The following SEPTIN10 variants were observed in gnomAD, a reference collection of about 807,000 sequenced individuals.
SEPTIN10 encodes septin 10.
SEPTIN10 carries 66 observed loss-of-function variants against 54.8 expected under a neutral mutation model. The ratio of observed to expected loss-of-function variants is 1.21; its 90% CI spans 0.99 to 1.48. SEPTIN10 has a LOEUF of 1.48. Among genes scored for constraint, SEPTIN10 ranks in the 40% most tolerant of loss-of-function variants. The probability of loss-of-function intolerance (pLI) is 0.00; values close to 1 mark genes in which losing one functional copy is unlikely to be tolerated. For synonymous variants in SEPTIN10, 161 were observed against 181.0 expected (o/e 0.89, Z 0.89); for missense variants, 620 against 545.6 (o/e 1.14, Z -1.36).
chr2:109,555,438 TG>T (rs1312757189), intron 8 of SEPTIN10, among the ~76,000 whole-genome samples: 27 of 152,142 alleles, frequency 1.8e-4, no homozygotes, highest in African/African-American at 6.3e-4. Flanking sequence ...CAAATTCACA[TG>T]TAACTTCTTC....
chr2:109,598,378 T>C (rs1247146582), intron 1 of SEPTIN10, among the ~76,000 whole-genome samples: 2 of 151,798 alleles, frequency 1.3e-5, no homozygotes, highest in Non-Finnish European at 2.9e-5. Context: ...CTATAATCAC[T>C]TGACTTTAAC....
At position 109,574,782 on chromosome 2, in the gene SEPTIN10, A is replaced by C; in HGVS notation, c.414-15T>G. The C allele has an allele frequency of 6.4e-7, 1 of 1,553,916 alleles. No individual in the cohort carries two copies. The highest frequency in any genetic ancestry group is 8.7e-7 in the Non-Finnish European group (1 of 1,149,742). The stretch of plus-strand genomic sequence containing the variant: ...TTGGTTGGTAGCTGAAAAATTATTT[A>C]AATGTTTAATACAACATTATTTGTG... On this transcript the variant is annotated splice_polypyrimidine_tract_variant and intron_variant, in intron 4 of 10. Coordinates refer to ENST00000397712, the MANE Select transcript of SEPTIN10 (RefSeq NM_144710.5).
chr2:109,569,380 G>A (rs140925292), intron 5 of SEPTIN10, among the ~76,000 whole-genome samples: 3 of 150,080 alleles, frequency 2.0e-5, no homozygotes, highest in African/African-American at 7.4e-5. Flanking sequence ...GCAGTGAGCC[G>A]AGATCGCGTC....
chr2:109,567,061 T>C (rs1355956694), intron 6 of SEPTIN10, among the ~76,000 whole-genome samples: 3 of 152,166 alleles, frequency 2.0e-5, no homozygotes, highest in Non-Finnish European at 4.4e-5. Flanking sequence ...ATAAAAGTGG[T>C]ATGAAAAATC....
intron 2 of SEPTIN10, among the ~76,000 whole-genome samples, chr2:109,588,634 T>C (rs1003439809): frequency 6.6e-6 from 1 of 151,794 alleles, no homozygotes; most frequent in Non-Finnish European, 1.5e-5. Flanking sequence ...GCTGGGATAA[T>C]AGGCGCCCAC....
intron 1 of SEPTIN10, among the ~76,000 whole-genome samples, chr2:109,610,328 T>A (rs1698977263): frequency 6.6e-6 from 1 of 152,064 alleles, no homozygotes; most frequent in Non-Finnish European, 1.5e-5. Flanking sequence ...GACCTCATGA[T>A]CCATCCATCT....
At chr2:109,550,415 C>T (rs966182743) in intron 9 of SEPTIN10, among the ~76,000 whole-genome samples, 2 of 151,578 alleles carry the variant, frequency 1.3e-5, no homozygotes, top group Non-Finnish European at 2.9e-5. Flanking sequence ...TGTGTTCAGG[C>T]GATTCTCCTG....
At chr2:109,555,540 G>A (rs1573436851) in intron 8 of SEPTIN10, among the ~76,000 whole-genome samples, 1 of 152,286 alleles carries the variant, frequency 6.6e-6, no homozygotes, top group African/African-American at 2.4e-5. Flanking sequence ...TATTAGTAAA[G>A]AGCAAACTAT....
At chr2:109,604,097 G>A (rs1697307766) in intron 1 of SEPTIN10, among the ~76,000 whole-genome samples, 1 of 146,988 alleles carries the variant, frequency 6.8e-6, no homozygotes. Flanking sequence ...GGGAGGTGGA[G>A]ATTGCAGTGA....
intron 1 of SEPTIN10, among the ~76,000 whole-genome samples, chr2:109,610,884 A>C (rs563488459): frequency 7.9e-5 from 12 of 152,342 alleles, no homozygotes; most frequent in African/African-American, 2.9e-4. Context: ...AAACTTACAC[A>C]GAGAGGCACA....
Position 109,543,382 on chromosome 2 carries a change from A to G in SEPTIN10, c.*927T>C, listed in dbSNP as rs1352440732. The G allele has an allele frequency of 3.3e-5, 5 of 152,194 alleles. No individual in the cohort carries two copies. Among genetic ancestry groups the G allele is most frequent in the African/African-American group, 7.2e-5 (3 of 41,460 alleles). The allele number at this position is 152,194 out of a possible 1,614,324, so 9.4% of individuals were successfully genotyped here. ...TATCTGGATGTTTTAACTTTTAAAG[A>G]TATTTTGTTTCACCACAGTAATACG... On this transcript the variant is annotated 3_prime_UTR_variant, in exon 11 of 11. Coordinates refer to ENST00000397712, the MANE Select transcript of SEPTIN10 (RefSeq NM_144710.5).
chr2:109,548,449 C>T (rs144147331), intron 9 of SEPTIN10, among the ~76,000 whole-genome samples: 16 of 152,060 alleles, frequency 1.1e-4, no homozygotes, highest in Middle Eastern at 3.4e-3. Flanking sequence ...CATTGGCTCA[C>T]GGAGGTTTAC....
intron 1 of SEPTIN10, among the ~76,000 whole-genome samples, chr2:109,598,566 G>A (rs1695837281): frequency 6.6e-6 from 1 of 152,034 alleles, no homozygotes; most frequent in African/African-American, 2.4e-5. Flanking sequence ...CGGGAGGCCG[G>A]GCGTGGTGGC....
chr2:109,596,366 C>A (rs1033473330), intron 1 of SEPTIN10, among the ~76,000 whole-genome samples: 5 of 151,932 alleles, frequency 3.3e-5, no homozygotes, highest in African/African-American at 1.2e-4. Context: ...GCCTGTAATT[C>A]CAGCAGTTTG....
Position 109,565,742 on chromosome 2 carries a change from GTCATCCT to G in SEPTIN10, c.859+14_859+20del. Reference sequence around the variant, plus strand: ...ATTACTAGATAGATACATATTTCTAGTCATCCTTTGTCTCATTTACCTTGTACAACAC... The same window carrying G: ...ATTACTAGATAGATACATATTTCTAGTTGTCTCATTTACCTTGTACAACAC... On this transcript the variant is annotated intron_variant, in intron 7 of 10. Coordinates refer to ENST00000397712, the MANE Select transcript of SEPTIN10 (RefSeq NM_144710.5). The G allele has an allele frequency of 6.3e-7, 1 of 1,584,010 alleles. No individual in the cohort carries two copies. The highest frequency in any genetic ancestry group is 8.7e-7 in the Non-Finnish European group (1 of 1,152,976).
At chr2:109,560,748 AC>A (rs1319935304) in intron 8 of SEPTIN10, among the ~76,000 whole-genome samples, 2 of 152,094 alleles carry the variant, frequency 1.3e-5, no homozygotes, top group Non-Finnish European at 2.9e-5. Flanking sequence ...CTTCAGCCAT[AC>A]CTATCTAGAT....
chr2:109,597,508 G>A (rs1048247842), intron 1 of SEPTIN10, among the ~76,000 whole-genome samples: 1 of 152,140 alleles, frequency 6.6e-6, no homozygotes, highest in Non-Finnish European at 1.5e-5. Context: ...ATGCACAATA[G>A]GTGACCACAA....
intron 9 of SEPTIN10, among the ~76,000 whole-genome samples, chr2:109,548,170 C>T (rs1256744564): frequency 8.5e-6 from 1 of 117,476 alleles, no homozygotes; most frequent in Non-Finnish European, 1.7e-5. Context: ...TTAATTGTGG[C>T]TTACCTCAAA....
At chr2:109,564,601 G>C (rs770070010) in intron 7 of SEPTIN10, 67 bp from the exon 8 acceptor site, 1 of 1,310,266 alleles carries the variant, frequency 7.6e-7, no homozygotes, top group Admixed American at 2.7e-5. Flanking sequence ...CTAAGTGTTT[G>C]CTGAATGAAC....
Sources: allele counts gnomAD v4.1 joint callset (sites outside exome capture counted in the v4.1 genomes callset), GRCh38; gene constraint gnomAD v4.1.1; transcripts MANE v1.5; gene names NCBI Gene and HGNC (gene_info 2026-07-23, HGNC 2026-07-21).